The following MAGI1 variants were observed in gnomAD, a reference collection of about 807,000 sequenced individuals.
The protein encoded by MAGI1 is membrane associated guanylate kinase, WW and PDZ domain containing 1, also known as membrane-associated guanylate kinase, WW and PDZ domain-containing protein 1.
In MAGI1, 58 loss-of-function variants were observed where a neutral mutation model predicts 139.9. The ratio of observed to expected loss-of-function variants is 0.41; its 90% confidence interval spans 0.34 to 0.52. The LOEUF (loss-of-function observed/expected upper bound fraction) is 0.52. Ranked by LOEUF, MAGI1 falls within the 20% of genes least tolerant of loss-of-function variation. MAGI1 has a pLI of 0.12. For missense variants in MAGI1, 1,874 were observed against 1,901.6 expected (o/e 0.99, Z 0.27); for synonymous variants, 812 against 737.9 (o/e 1.10, Z -1.63).
intron 2 of MAGI1, among the ~76,000 whole-genome samples, chr3:65,546,570 A>C (rs2079518576): frequency 6.6e-6 from 1 of 152,232 alleles, no homozygotes. Flanking sequence ...CTTAGTTTTC[A>C]CTTATCAACA....
chr3:66,016,186 T>C (rs530889645), intron 1 of MAGI1, among the ~76,000 whole-genome samples: 4 of 152,190 alleles, frequency 2.6e-5, no homozygotes, highest in Non-Finnish European at 5.9e-5. Flanking sequence ...AAAATTAATA[T>C]GGTAATAACT....
intron 1 of MAGI1, among the ~76,000 whole-genome samples, chr3:65,914,669 C>G (rs960266674): frequency 6.6e-6 from 1 of 152,098 alleles, no homozygotes; most frequent in East Asian, 1.9e-4. Flanking sequence ...GCCTAATGTT[C>G]GACAAATGCC....
rs150588566 is a variant in MAGI1 at position 65,373,081 on chromosome 3, T to C, written c.3196+2664A>G. On this transcript the variant is annotated intron_variant, in intron 18 of 22. Transcript: ENST00000402939. The stretch of plus-strand genomic sequence containing the variant: ...TCACAACTTGGATAAATGTTTAGCA[T>C]GAGGGATCTAGCTTTTGGCCTATCT... Among the ~76,000 whole-genome samples, 83 of 152,346 alleles carry C rather than the reference T, an allele frequency of 5.4e-4. No individual in the cohort carries two copies. In the East Asian group the frequency reaches 0.013, roughly 24 times the overall value.
chr3:65,379,467 G>A lies in MAGI1; in HGVS notation c.2789C>T (p.Thr930Ile), dbSNP rs763320183. 6.2e-7 allele frequency: 1 copy of A among 1,614,074 alleles called. No homozygotes were observed. Among genetic ancestry groups the A allele is most frequent in the Non-Finnish European group, 8.5e-7 (1 of 1,179,944 alleles). ...QPASLTEEKR[T>I]PQGSQNSLNT... is the part of the protein sequence containing the mutation. ...CAGCGAGTTCTGGCTGCCCTGCGGA[G>A]TGCGCTTCTCTTCTGTCAGCGAGGC... is the stretch of plus-strand genomic sequence containing the variant. The change falls in exon 17 of 23, where the codon ACT (threonine) becomes ATT (isoleucine). Residue 930 changes from threonine (T) to isoleucine (I), a missense_variant. Thr to Ile is a moderately conservative substitution (Grantham distance 89). Transcript: ENST00000402939.
chr3:65,573,476 C>A (rs2081046191), intron 2 of MAGI1, among the ~76,000 whole-genome samples: 2 of 151,758 alleles, frequency 1.3e-5, no homozygotes, highest in East Asian at 3.9e-4. Flanking sequence ...TACATAAAAT[C>A]CACATAGTCC....
At chr3:65,649,891 C>G (rs112488087) in intron 1 of MAGI1, among the ~76,000 whole-genome samples, 1 of 152,132 alleles carries the variant, frequency 6.6e-6, no homozygotes, top group African/African-American at 2.4e-5. Flanking sequence ...ATCACTCATA[C>G]GCTGCCTGTG....
intron 1 of MAGI1, among the ~76,000 whole-genome samples, chr3:65,861,414 G>C (rs923069541): frequency 6.6e-6 from 1 of 152,132 alleles, no homozygotes; most frequent in East Asian, 1.9e-4. Flanking sequence ...CTTGGAGTTT[G>C]CAATCCCTGT....
chr3:65,448,762 T>A (rs1488722968), intron 6 of MAGI1, among the ~76,000 whole-genome samples: 1 of 151,592 alleles, frequency 6.6e-6, no homozygotes, highest in Non-Finnish European at 1.5e-5. Context: ...AATATTAGAA[T>A]TAAAATGTCC....
chr3:65,888,523 TA>T (rs533236036), intron 1 of MAGI1, among the ~76,000 whole-genome samples: 20 of 152,136 alleles, frequency 1.3e-4, no homozygotes, highest in African/African-American at 4.6e-4. Flanking sequence ...GTTAAGAAAA[TA>T]AAATTATACA....
chr3:65,914,351 A>G (rs561013835), intron 1 of MAGI1, among the ~76,000 whole-genome samples: 1 of 152,104 alleles, frequency 6.6e-6, no homozygotes, highest in African/African-American at 2.4e-5. Flanking sequence ...ATTAATCTGA[A>G]CCCACAAATG....
chr3:65,885,371 T>G (rs1262909901), intron 1 of MAGI1, among the ~76,000 whole-genome samples: 2 of 151,138 alleles, frequency 1.3e-5, no homozygotes, highest in Non-Finnish European at 2.9e-5. Context: ...CACTCCAGCT[T>G]GGGCAAGAAG....
intron 1 of MAGI1, among the ~76,000 whole-genome samples, chr3:65,752,184 A>C (rs1490665423): frequency 6.6e-6 from 1 of 152,152 alleles, no homozygotes; most frequent in African/African-American, 2.4e-5. Context: ...CCTGCACTCA[A>C]GCAACGTGCC....
intron 18 of MAGI1, among the ~76,000 whole-genome samples, chr3:65,373,527 A>T (rs1197313094): frequency 1.3e-5 from 2 of 152,244 alleles, no homozygotes; most frequent in Non-Finnish European, 2.9e-5. Flanking sequence ...ACACTGACAG[A>T]CTTGCTCGAA....
At chr3:65,592,880 C>T (rs1266182541) in intron 2 of MAGI1, among the ~76,000 whole-genome samples, 1 of 152,042 alleles carries the variant, frequency 6.6e-6, no homozygotes, top group Admixed American at 6.6e-5. Flanking sequence ...TACCTTATTC[C>T]CTATTCCCTG....
chr3:65,763,163 T>G (rs2037175128), intron 1 of MAGI1, among the ~76,000 whole-genome samples: 1 of 152,172 alleles, frequency 6.6e-6, no homozygotes, highest in Non-Finnish European at 1.5e-5. Flanking sequence ...CACATTCGTA[T>G]CATCAAGGAT....
intron 1 of MAGI1, among the ~76,000 whole-genome samples, chr3:65,775,447 T>A (rs1241527786): frequency 1.3e-4 from 10 of 76,618 alleles, no homozygotes; most frequent in Admixed American, 4.0e-4. Flanking sequence ...AGACCTTCTC[T>A]GGAAAAAAAA....
chr3:65,440,060 C>T (rs553273665), intron 8 of MAGI1, 48 bp from the exon 9 acceptor site: 3 of 1,604,014 alleles, frequency 1.9e-6, no homozygotes, highest in South Asian at 2.2e-5. Context: ...TTCATCCCAC[C>T]AGCAAAATGC....
At chr3:66,025,020 T>C (rs2107569409) in intron 1 of MAGI1, among the ~76,000 whole-genome samples, 1 of 152,250 alleles carries the variant, frequency 6.6e-6, no homozygotes, top group South Asian at 2.1e-4. Flanking sequence ...AAATAATTCA[T>C]GTGAGCCAAC....
chr3:65,847,634 G>A (rs1241432024), intron 1 of MAGI1, among the ~76,000 whole-genome samples: 1 of 152,114 alleles, frequency 6.6e-6, no homozygotes, highest in Non-Finnish European at 1.5e-5. Context: ...GTACTCTTGA[G>A]CTTACACATC....
Sources: allele counts gnomAD v4.1 joint callset (sites outside exome capture counted in the v4.1 genomes callset), GRCh38; gene constraint gnomAD v4.1.1; transcripts MANE v1.5; gene names NCBI Gene and HGNC (gene_info 2026-07-23, HGNC 2026-07-21).